The following GSE1 variants were observed in gnomAD, a reference collection of about 807,000 sequenced individuals.
GSE1 encodes the protein genetic suppressor element 1.
GSE1 carries 32 observed loss-of-function variants against 112.6 expected under a neutral mutation model. That is an observed-to-expected ratio of 0.28 (90% CI 0.21 to 0.38). GSE1 has a LOEUF of 0.38. Ranked by LOEUF, GSE1 falls within the 10% of genes least tolerant of loss-of-function variation. The probability of loss-of-function intolerance (pLI) is 1.00; values close to 1 mark genes in which losing one functional copy is unlikely to be tolerated. For synonymous variants in GSE1, 1,115 were observed against 735.6 expected (o/e 1.52, Z -8.35); for missense variants, 2,348 against 1,699.2 (o/e 1.38, Z -6.71).
At chr16:85,491,251 C>T (rs1216454070) in intron 2 of GSE1, among the ~76,000 whole-genome samples, 1 of 152,168 alleles carries the variant, frequency 6.6e-6, no homozygotes, top group Non-Finnish European at 1.5e-5. Context: ...CCTGGGGCCA[C>T]GAGAAGGGAC....
intron 1 of GSE1, among the ~76,000 whole-genome samples, chr16:85,588,987 A>G (rs2046840058): frequency 6.6e-6 from 1 of 152,126 alleles, no homozygotes; most frequent in Non-Finnish European, 1.5e-5. Flanking sequence ...ATGTTCACAC[A>G]TATACTCACA....
intron 2 of GSE1, among the ~76,000 whole-genome samples, chr16:85,428,270 GCAC>G (rs1053467656): frequency 6.6e-6 from 1 of 152,198 alleles, no homozygotes; most frequent in African/African-American, 2.4e-5. Flanking sequence ...TGGGCTTCCT[GCAC>G]CACCCAGGAT....
rs1367998051 is a variant in GSE1, at chr16:85,487,065, G to T, written c.2464+129422G>T. ...GGGAGGCCTTGGGCCATGCTGGAAG[G>T]CAAGAATTCCAGAAGCTTCCAGAGG... On this transcript the variant is annotated intron_variant, in intron 2 of 2. Coordinates refer to the GSE1 transcript ENST00000637419. Among the ~76,000 whole-genome samples the T allele has an allele frequency of 5.3e-5, 8 of 152,146 alleles. No homozygotes were observed. In the South Asian group the frequency reaches 1.5e-3, roughly 28 times the overall value.
chr16:85,591,036 C>T (rs951412229), intron 1 of GSE1, among the ~76,000 whole-genome samples: 52 of 152,148 alleles, frequency 3.4e-4, no homozygotes, highest in African/African-American at 1.2e-3. Context: ...GCCTGTGTCC[C>T]GAGGGCCACC....
Position 85,675,963 on chromosome 16 carries a change from T to G in GSE1, c.*3424T>G, listed in dbSNP as rs113953563. ...GACCATGCTAACTGGTGTTATTTTG[T>G]ATGTACCCTGTGCTTAATTCTATAA... On this transcript the variant is annotated 3_prime_UTR_variant, in exon 16 of 16. Transcript: ENST00000253458. 2 of 152,658 alleles carry G rather than the reference T, an allele frequency of 1.3e-5. No individual in the cohort carries two copies. The highest frequency in any genetic ancestry group is 4.8e-5 in the African/African-American group (2 of 41,462). The allele number at this position is 152,658 out of a possible 1,614,324, so 9.5% of individuals were successfully genotyped here. A position where few individuals can be genotyped will look rare whatever the true frequency, so the allele number is the denominator to read the frequency against.
intron 2 of GSE1, among the ~76,000 whole-genome samples, chr16:85,381,812 C>T (rs780298766): frequency 2.6e-5 from 4 of 152,186 alleles, no homozygotes; most frequent in African/African-American, 7.2e-5. Flanking sequence ...ACCCTGAGGC[C>T]GGTGCATCTG....
chr16:85,281,139 C>T (rs2044845684), intron 1 of GSE1, among the ~76,000 whole-genome samples: 1 of 152,192 alleles, frequency 6.6e-6, no homozygotes, highest in South Asian at 2.1e-4. Context: ...CTCTCAGCAT[C>T]ACCTCCACAA....
At chr16:85,549,180 T>TC (rs1418697508) in intron 2 of GSE1, among the ~76,000 whole-genome samples, 1 of 147,542 alleles carries the variant, frequency 6.8e-6, no homozygotes, top group Non-Finnish European at 1.5e-5. Flanking sequence ...TTTCTCTTCT[T>TC]TTTTTTTTTT....
intron 1 of GSE1, among the ~76,000 whole-genome samples, chr16:85,216,292 T>A (rs902216135): frequency 5.9e-5 from 9 of 152,274 alleles, no homozygotes; most frequent in Non-Finnish European, 1.2e-4. Context: ...TAGTCCCAGC[T>A]ACTCAGGAGG....
At chr16:85,459,210 T>C (rs2049910767) in intron 2 of GSE1, among the ~76,000 whole-genome samples, 1 of 152,160 alleles carries the variant, frequency 6.6e-6, no homozygotes, top group Admixed American at 6.5e-5. Flanking sequence ...CCGTGCCAAT[T>C]GCAAACGCCA....
intron 2 of GSE1, among the ~76,000 whole-genome samples, chr16:85,456,884 G>C (rs1463449347): frequency 6.6e-6 from 1 of 152,234 alleles, no homozygotes; most frequent in East Asian, 1.9e-4. Context: ...ACACCGGCAG[G>C]CTGTGTTTTC....
intron 1 of GSE1, among the ~76,000 whole-genome samples, chr16:85,288,172 G>C (rs529873020): frequency 1.3e-5 from 2 of 152,132 alleles, no homozygotes; most frequent in Non-Finnish European, 1.5e-5. Context: ...CCCGGGAGGC[G>C]GAGGTTGCAG....
At chr16:85,275,535 G>A (rs12930985) in intron 1 of GSE1, among the ~76,000 whole-genome samples, 5 of 152,128 alleles carry the variant, frequency 3.3e-5, no homozygotes, top group African/African-American at 9.7e-5. Flanking sequence ...AATGGCACCA[G>A]TGAAAAGAGA....
chr16:85,199,174 C>T (rs975348411), intron 1 of GSE1, among the ~76,000 whole-genome samples: 1 of 152,112 alleles, frequency 6.6e-6, no homozygotes, highest in Non-Finnish European at 1.5e-5. Flanking sequence ...CCAGGCTTGT[C>T]TCAACCTCCT....
At chr16:85,466,080 C>G (rs1337331027) in intron 2 of GSE1, among the ~76,000 whole-genome samples, 1 of 152,202 alleles carries the variant, frequency 6.6e-6, no homozygotes, top group African/African-American at 2.4e-5. Flanking sequence ...AGGGCAGGTT[C>G]ACATCTCAGT....
chr16:85,612,784 C>T (rs1307009893), upstream of GSE1, among the ~76,000 whole-genome samples: 1 of 152,176 alleles, frequency 6.6e-6, no homozygotes. Flanking sequence ...AAGTTGTTCT[C>T]CAAAAGGCCT....
Position 85,617,605 on chromosome 16 carries a change from C to G in GSE1, c.7+4207C>G, listed in dbSNP as rs1045137424. On this transcript the variant is annotated intron_variant, in intron 1 of 15. Coordinates refer to ENST00000253458, the MANE Select transcript of GSE1 (RefSeq NM_014615.5). ...ATCCGTGTGTCAACCCTCCCCCCCCCCCCCCCGTTAACTGCCACGTGCAGC... is the reference window on the plus strand; with the variant it reads ...ATCCGTGTGTCAACCCTCCCCCCCCGCCCCCCGTTAACTGCCACGTGCAGC... Among the ~76,000 whole-genome samples the G allele has an allele frequency of 1.3e-4, 14 of 105,112 alleles. 1 individual carries two copies. Among genetic ancestry groups the G allele is most frequent in the African/African-American group, 2.3e-4 (7 of 30,062 alleles). The allele number at this position is 105,112 out of a possible 152,430, so 69.0% of individuals were successfully genotyped here.
rs117160231 is a variant in GSE1, at chr16:85,243,505, G to A, written c.2283+71698G>A. On this transcript the variant is annotated intron_variant, in intron 1 of 2. Coordinates refer to the GSE1 transcript ENST00000637419. ...TGTGGCTGCTTGCTGCCGGGTGCAC[G>A]CAGCGATCCCAGGAGCCTTGCACAT... Among the ~76,000 whole-genome samples, 1,058 of 152,344 alleles carry A rather than the reference G, an allele frequency of 6.9e-3. 7 individuals carry two copies. Among genetic ancestry groups the A allele is most frequent in the Non-Finnish European group, 0.012 (843 of 68,028 alleles).
chr16:85,566,896 C>T (rs1019839613), intron 1 of GSE1, among the ~76,000 whole-genome samples: 2 of 152,162 alleles, frequency 1.3e-5, no homozygotes, highest in Admixed American at 1.3e-4. Context: ...GGGGCCGCAG[C>T]GGAAGGGCCG....
Sources: allele counts gnomAD v4.1 joint callset (sites outside exome capture counted in the v4.1 genomes callset), GRCh38; gene constraint gnomAD v4.1.1; transcripts MANE v1.5; gene names NCBI Gene and HGNC (gene_info 2026-07-23, HGNC 2026-07-21).